Variants in FMN1 observed in about 807,000 individuals in gnomAD.
FMN1 encodes formin-1.
In FMN1, 110 loss-of-function variants were observed where a neutral mutation model predicts 132.4. The observed-to-expected ratio is 0.83, with a 90% confidence interval of 0.71 to 0.97. The LOEUF is 0.97. Among genes scored for constraint, FMN1 ranks in the 50% least tolerant of loss-of-function variants. The probability of loss-of-function intolerance (pLI) is 0.00; values close to 1 mark genes in which losing one functional copy is unlikely to be tolerated. For missense variants in FMN1, 1,792 were observed against 1,705.3 expected, an observed-to-expected ratio of 1.05 and a Z score of -0.90; for synonymous variants, 722 against 651.7, an observed-to-expected ratio of 1.11 and a Z score of -1.64.
At chr15:33,066,416 T>A in intron 5 of FMN1, 1 of 1,048,590 alleles carries the variant, frequency 9.5e-7, no homozygotes, top group Non-Finnish European at 1.4e-6. Context: ...AAAGAATCAC[T>A]AACAGGCAAC....
intron 5 of FMN1, among the ~76,000 whole-genome samples, chr15:33,071,152 AAAAC>A (rs992164753): frequency 9.6e-4 from 146 of 152,324 alleles, no homozygotes; most frequent in Middle Eastern, 3.4e-3. Context: ...AACATCACCA[AAAAC>A]AAACAAACAA....
At chr15:32,840,405 C>T (rs1335152635) in intron 17 of FMN1, among the ~76,000 whole-genome samples, 2 of 152,186 alleles carry the variant, frequency 1.3e-5, no homozygotes, top group African/African-American at 4.8e-5. Flanking sequence ...TTTCCCTTCT[C>T]ACTACTAGAA....
chr15:32,803,329 T>C (rs1276118860), intron 18 of FMN1, among the ~76,000 whole-genome samples: 3 of 152,180 alleles, frequency 2.0e-5, no homozygotes, highest in Admixed American at 2.0e-4. Flanking sequence ...TACCGCTGTC[T>C]ATTGCCACTC....
chr15:33,062,811 G>A (rs1595382394), intron 6 of FMN1: 1 of 151,938 alleles, frequency 6.6e-6, no homozygotes, highest in East Asian at 1.9e-4. Flanking sequence ...ACTTTATTTG[G>A]GGAACATTTA....
At chr15:33,150,254 C>T (rs1289353959) in intron 4 of FMN1, 1 of 985,348 alleles carries the variant, frequency 1.0e-6, no homozygotes, top group East Asian at 1.1e-4. Flanking sequence ...AAGGACACTG[C>T]TTTGCAGGCT....
chr15:33,030,659 T>A (rs1244662622), intron 6 of FMN1, among the ~76,000 whole-genome samples: 1 of 152,186 alleles, frequency 6.6e-6, no homozygotes, highest in African/African-American at 2.4e-5. Context: ...CCACTGATTC[T>A]AAGATGCATC....
intron 6 of FMN1, among the ~76,000 whole-genome samples, chr15:33,031,776 T>C (rs1422659198): frequency 6.6e-6 from 1 of 152,216 alleles, no homozygotes; most frequent in Non-Finnish European, 1.5e-5. Flanking sequence ...CTGACTGCAT[T>C]AGTTACTGTG....
rs368066619 is a variant in FMN1, at chr15:32,833,058, C to CCTCTG, written c.3928+23952_3928+23956dup. On this transcript the variant is annotated intron_variant, in intron 17 of 20. Transcript: ENST00000616417. ...TACAACTCCTCCTTTCTCCCCTCCT[C>CCTCTG]CTCTGCTCTGCTCTTCTCCACCGCC... Among the ~76,000 whole-genome samples, 195 of 152,264 alleles carry CCTCTG rather than the reference C, an allele frequency of 1.3e-3. 5 individuals are homozygous for CCTCTG. The East Asian group carries it at 0.03, about 23-fold the overall frequency.
chr15:32,924,518 G>A (rs955773282), intron 10 of FMN1, among the ~76,000 whole-genome samples: 7 of 152,134 alleles, frequency 4.6e-5, no homozygotes, highest in East Asian at 3.8e-4. Context: ...AAACCTAAAG[G>A]GCCGTGTGGT....
chr15:32,860,175 AGAAAAG>A (rs2059233469), intron 16 of FMN1, among the ~76,000 whole-genome samples: 1 of 129,424 alleles, frequency 7.7e-6, no homozygotes, highest in Admixed American at 8.1e-5. Flanking sequence ...AAAGGAAAAA[AGAAAAG>A]GGAGGAAGGA....
chr15:32,970,194 A>G (rs2031660656), intron 7 of FMN1, among the ~76,000 whole-genome samples: 1 of 152,190 alleles, frequency 6.6e-6, no homozygotes, highest in South Asian at 2.1e-4. Context: ...AGTTATTTTA[A>G]TGCACTGAGT....
chr15:33,022,949 G>C (rs1010837996), intron 6 of FMN1, among the ~76,000 whole-genome samples: 1 of 151,538 alleles, frequency 6.6e-6, no homozygotes, highest in Non-Finnish European at 1.5e-5. Flanking sequence ...GGGTGGCAGA[G>C]GGTGGGAGGA....
chr15:32,850,683 A>G (rs1469485120), intron 17 of FMN1, among the ~76,000 whole-genome samples: 1 of 152,346 alleles, frequency 6.6e-6, no homozygotes. Context: ...CAAAACAGAC[A>G]CAGTCCCAGC....
At chr15:32,989,314 C>G (rs2033286611) in intron 7 of FMN1, among the ~76,000 whole-genome samples, 1 of 152,178 alleles carries the variant, frequency 6.6e-6, no homozygotes, top group Non-Finnish European at 1.5e-5. Context: ...GAGAACTAGT[C>G]TGCTAAGTGC....
chr15:32,880,760 A>G (rs1368239677), intron 16 of FMN1, among the ~76,000 whole-genome samples: 2 of 152,238 alleles, frequency 1.3e-5, no homozygotes, highest in Non-Finnish European at 2.9e-5. Flanking sequence ...TGTAGCTTTT[A>G]GTAATGCTAC....
chr15:33,180,625 G>A (rs1039089113), intron 2 of FMN1, among the ~76,000 whole-genome samples: 3 of 151,964 alleles, frequency 2.0e-5, no homozygotes, highest in South Asian at 2.1e-4. Flanking sequence ...GTAAGCCTGC[G>A]TATGCTCATC....
intron 6 of FMN1, among the ~76,000 whole-genome samples, chr15:33,048,616 G>C (rs531907676): frequency 3.5e-5 from 1 of 28,740 alleles, no homozygotes; most frequent in South Asian, 6.7e-4. Context: ...ATACACTCGA[G>C]ACTGGGCAAT....
intron 6 of FMN1, among the ~76,000 whole-genome samples, chr15:33,016,149 A>G (rs990478682): frequency 6.6e-6 from 1 of 152,184 alleles, no homozygotes; most frequent in Non-Finnish European, 1.5e-5. Flanking sequence ...TAAAAATAGT[A>G]TAAATATGTA....
Position 33,059,001 on chromosome 15 carries a change from T to G in FMN1, c.2161+5956A>C, listed in dbSNP as rs144052264. Among the ~76,000 whole-genome samples, 981 of 152,350 alleles carry G rather than the reference T, an allele frequency of 6.4e-3. 14 individuals are homozygous for G. The highest frequency in any genetic ancestry group is 0.023 in the African/African-American group (950 of 41,584). On this transcript the variant is annotated intron_variant, in intron 6 of 20. Coordinates refer to ENST00000616417, the MANE Select transcript of FMN1 (RefSeq NM_001277313.2). ...GATCACAAAATCTATTTCTCCTGTT[T>G]ATCTAAAATGTTGTGCCCTTTGATC...
Sources: gnomAD v4.1 joint callset for allele counts (sites outside exome capture counted in the v4.1 genomes callset) on GRCh38, gnomAD v4.1.1 for gene constraint, MANE v1.5 for transcripts, NCBI Gene and HGNC (gene_info 2026-07-23, HGNC 2026-07-21) for gene names.